The following NDRG1 variants were observed in gnomAD, a reference collection of about 807,000 sequenced individuals.
The protein encoded by NDRG1 is N-myc downstream regulated 1.
NDRG1 carries 32 observed loss-of-function variants against 56.9 expected under a neutral mutation model. The ratio of observed to expected loss-of-function variants is 0.56; its 90% CI spans 0.42 to 0.76. The LOEUF (loss-of-function observed/expected upper bound fraction) is 0.76, where lower values mean the gene tolerates loss of function less well. NDRG1 is among the 30% of genes least tolerant of loss of function. The pLI, the probability that NDRG1 is intolerant of heterozygous loss-of-function variation, is 0.00. For synonymous variants in NDRG1, 211 were observed against 204.1 expected, an observed-to-expected ratio of 1.03 and a Z score of -0.29; for missense variants, 507 against 545.7, an observed-to-expected ratio of 0.93 and a Z score of 0.71.
chr8:133,294,677 G>GC (rs1563646766), intron 1 of NDRG1, among the ~76,000 whole-genome samples: 1 of 152,022 alleles, frequency 6.6e-6, no homozygotes, highest in African/African-American at 2.4e-5. Context: ...GTCATGGGGG[G>GC]GGGGCAGCCC....
At chr8:133,268,094 G>A (rs902533908) in intron 3 of NDRG1, among the ~76,000 whole-genome samples, 1 of 152,106 alleles carries the variant, frequency 6.6e-6, no homozygotes, top group African/African-American at 2.4e-5. Context: ...AAGAAGGAAA[G>A]GCTGCCTAGG....
rs185399378 is a variant in NDRG1, at chr8:133,261,366, G to T, written c.326+681C>A. 3.9e-5 allele frequency among the ~76,000 whole-genome samples: 6 copies of T among 152,258 alleles called. No individual in the cohort carries two copies. The East Asian group carries it at 9.7e-4, about 25-fold the overall frequency. On this transcript the variant is annotated intron_variant, in intron 5 of 15. Transcript: ENST00000323851. ...AGGCTGGTCTCAAACTCCCAACCTCGGTGGTCCGCCCACCTTGGCCTCCCA... is the reference window on the plus strand; with the variant it reads ...AGGCTGGTCTCAAACTCCCAACCTCTGTGGTCCGCCCACCTTGGCCTCCCA...
At chr8:133,284,971 T>G in intron 1 of NDRG1, 1 of 399,672 alleles carries the variant, frequency 2.5e-6, no homozygotes, top group Non-Finnish European at 5.0e-6. Flanking sequence ...AGTACAATTT[T>G]GTAAGAAAAA....
At chr8:133,289,471 G>T (rs1014024871) in intron 1 of NDRG1, among the ~76,000 whole-genome samples, 3 of 152,114 alleles carry the variant, frequency 2.0e-5, no homozygotes, top group African/African-American at 7.2e-5. Flanking sequence ...TGCCACCAAG[G>T]TTTCTGATTA....
intron 7 of NDRG1, 90 bp downstream of exon 7, chr8:133,258,276 C>A: frequency 7.5e-7 from 1 of 1,339,118 alleles, no homozygotes; most frequent in Non-Finnish European, 1.0e-6. Flanking sequence ...TTTCTTTTTC[C>A]CTTTTGGGTT....
chr8:133,262,030 G>C lies in NDRG1; in HGVS notation c.326+17C>G. The C allele has an allele frequency of 6.2e-7, 1 of 1,605,720 alleles. No individual in the cohort carries two copies. The highest frequency in any genetic ancestry group is 8.5e-7 in the Non-Finnish European group (1 of 1,175,684). On this transcript the variant is annotated intron_variant, in intron 5 of 15. Transcript: ENST00000323851. ...AGTTTCCACCCTGTAGAGCTCATAG[G>C]GCAAGAGGCCTCTCACCCTGCGGGG...
intron 14 of NDRG1, among the ~76,000 whole-genome samples, chr8:133,243,560 C>A (rs1181017765): frequency 6.6e-6 from 1 of 152,182 alleles, no homozygotes; most frequent in Non-Finnish European, 1.5e-5. Context: ...ACAGGAATTG[C>A]TCCCCCCTGT....
chr8:133,267,603 C>T (rs1856986568), intron 3 of NDRG1, among the ~76,000 whole-genome samples: 1 of 152,216 alleles, frequency 6.6e-6, no homozygotes, highest in South Asian at 2.1e-4. Context: ...TGGGCCCAGC[C>T]CAGCCCTGAA....
intron 15 of NDRG1, chr8:133,241,077 A>G (rs1855354231): frequency 6.6e-6 from 1 of 152,258 alleles, no homozygotes; most frequent in Non-Finnish European, 1.5e-5. Context: ...GACTGCAGTC[A>G]GCTTACCAAG....
intron 3 of NDRG1, among the ~76,000 whole-genome samples, chr8:133,279,634 G>A (rs555327038): frequency 1.3e-5 from 2 of 152,296 alleles, no homozygotes; most frequent in African/African-American, 4.8e-5. Context: ...CCACCCTCCA[G>A]AGGCCAGCAC....
At chr8:133,285,483 G>A (rs1463507178) in intron 1 of NDRG1, among the ~76,000 whole-genome samples, 1 of 152,158 alleles carries the variant, frequency 6.6e-6, no homozygotes, top group Non-Finnish European at 1.5e-5. Flanking sequence ...AAGGCCCCTC[G>A]GATGCAATGG....
chr8:133,263,461 A>G lies in NDRG1; in HGVS notation c.205+1086T>C, dbSNP rs1009969822. 3.3e-5 allele frequency among the ~76,000 whole-genome samples: 5 copies of G among 152,378 alleles called. No homozygotes were observed. In the East Asian group the frequency reaches 9.6e-4, roughly 29 times the overall value. On this transcript the variant is annotated intron_variant, in intron 4 of 15. Transcript: ENST00000323851. The stretch of plus-strand genomic sequence containing the variant: ...CAGAAGAATTCACCTCTATTCCATG[A>G]AATTTCAACATTCAGTAGCTTCCAT...
Position 133,260,454 on chromosome 8 carries a change from A to C in NDRG1, c.327-1224T>G. On this transcript the variant is annotated intron_variant, in intron 5 of 15. Coordinates refer to ENST00000323851, the MANE Select transcript of NDRG1 (RefSeq NM_006096.4). The stretch of plus-strand genomic sequence containing the variant: ...CAGATGCACACGAAAACCACATAGT[A>C]AACTAGGGGGAAAATGCGCTGTAAT... Among the ~76,000 whole-genome samples, 2 of 152,234 alleles carry C rather than the reference A, an allele frequency of 1.3e-5. 1 individual carries two copies. Among genetic ancestry groups the C allele is most frequent in the Admixed American group, 1.3e-4 (2 of 15,288 alleles).
In NDRG1 at chr8:133,247,942, G is replaced by C. The variant is rs1855784302; in HGVS notation, c.756-16C>G. On this transcript the variant is annotated splice_polypyrimidine_tract_variant and intron_variant, in intron 11 of 15. Coordinates refer to ENST00000323851, the MANE Select transcript of NDRG1 (RefSeq NM_006096.4). ...AGCAGGGCACCTGGGGTCAGGGATAGAGCAGAGAATTAGCACAAGGTTCCT... is the reference window on the plus strand; with the variant it reads ...AGCAGGGCACCTGGGGTCAGGGATACAGCAGAGAATTAGCACAAGGTTCCT... 6.2e-7 allele frequency: 1 copy of C among 1,613,692 alleles called. No homozygotes were observed. Among genetic ancestry groups the C allele is most frequent in the South Asian group, 1.1e-5 (1 of 91,048 alleles).
intron 1 of NDRG1, among the ~76,000 whole-genome samples, chr8:133,294,671 T>TGG (rs113471703): frequency 0.031 from 4,379 of 143,538 alleles, 167 homozygotes; most frequent in African/African-American, 0.089. Flanking sequence ...TCTTCTGTCA[T>TGG]GGGGGGGGGG....
At chr8:133,281,474 G>A (rs999819891) in intron 2 of NDRG1, among the ~76,000 whole-genome samples, 13 of 152,162 alleles carry the variant, frequency 8.5e-5, no homozygotes, top group African/African-American at 3.1e-4. Context: ...CTGGCCTGGT[G>A]AAAGTGTGAC....
At chr8:133,294,334 G>A (rs1194500100) in intron 1 of NDRG1, among the ~76,000 whole-genome samples, 1 of 152,194 alleles carries the variant, frequency 6.6e-6, no homozygotes, top group Non-Finnish European at 1.5e-5. Context: ...CAACGTTCTT[G>A]CGAGGATGAA....
chr8:133,244,639 TA>T, intron 13 of NDRG1: 1 of 594,934 alleles, frequency 1.7e-6, no homozygotes. Context: ...GCCCTACAGA[TA>T]ATTTCACTCC....
chr8:133,276,592 A>C (rs1004100700), intron 3 of NDRG1, among the ~76,000 whole-genome samples: 2 of 152,176 alleles, frequency 1.3e-5, no homozygotes, highest in Non-Finnish European at 2.9e-5. Context: ...TCATGGTTTT[A>C]TAAAGAGCAA....
Sources: allele counts gnomAD v4.1 joint callset (sites outside exome capture counted in the v4.1 genomes callset), GRCh38; gene constraint gnomAD v4.1.1; transcripts MANE v1.5; gene names NCBI Gene and HGNC (gene_info 2026-07-23, HGNC 2026-07-21).